The following PPM1L variants were observed in gnomAD, a reference collection of about 807,000 sequenced individuals.
The protein encoded by PPM1L is protein phosphatase, Mg2+/Mn2+ dependent 1L.
In PPM1L, 13 loss-of-function variants were observed where a neutral mutation model predicts 31.4. The ratio of observed to expected loss-of-function variants is 0.41; its 90% CI spans 0.27 to 0.66. The LOEUF is 0.66. Among genes scored for constraint, PPM1L ranks in the 30% least tolerant of loss-of-function variants. The pLI is 0.29. For synonymous variants in PPM1L, 184 were observed against 175.4 expected, an observed-to-expected ratio of 1.05 and a Z score of -0.39; for missense variants, 326 against 453.7, an observed-to-expected ratio of 0.72 and a Z score of 2.56.
At chr3:160,944,812 A>ATAT (rs1715292149) in intron 1 of PPM1L, among the ~76,000 whole-genome samples, 1 of 18,042 alleles carries the variant, frequency 5.5e-5, no homozygotes, top group Non-Finnish European at 1.6e-4. Flanking sequence ...CATATATAAC[A>ATAT]TATATATGTT....
At chr3:160,867,754 TTGG>T (rs1712146749) in intron 1 of PPM1L, among the ~76,000 whole-genome samples, 1 of 152,182 alleles carries the variant, frequency 6.6e-6, no homozygotes, top group Non-Finnish European at 1.5e-5. Flanking sequence ...ACAGTGCAAG[TTGG>T]TGGCATGGTA....
rs568295984 is a variant in PPM1L, at chr3:160,931,843, T to G, written c.400-29893T>G. ...TACTTTTCTTAAGTAGAGCTAAGAA[T>G]TTGTTTTAAAAAGGCTACTTTGAGA... On this transcript the variant is annotated intron_variant, in intron 1 of 3. Coordinates refer to ENST00000498165, the MANE Select transcript of PPM1L (RefSeq NM_139245.4). 3.9e-5 allele frequency among the ~76,000 whole-genome samples: 6 copies of G among 152,354 alleles called. No homozygotes were observed. The South Asian group carries it at 1.2e-3, about 32-fold the overall frequency.
intron 1 of PPM1L, among the ~76,000 whole-genome samples, chr3:160,817,742 CTG>C (rs1319819798): frequency 6.6e-6 from 1 of 151,938 alleles, no homozygotes; most frequent in Non-Finnish European, 1.5e-5. Context: ...GCTGAGAGAG[CTG>C]TGGTGCCATT....
intron 1 of PPM1L, among the ~76,000 whole-genome samples, chr3:160,813,874 C>T (rs903683383): frequency 5.9e-5 from 9 of 152,210 alleles, no homozygotes; most frequent in East Asian, 1.9e-4. Flanking sequence ...ATTCTGCATA[C>T]GTTTTACATC....
chr3:161,037,804 A>G (rs1217217262), intron 2 of PPM1L, among the ~76,000 whole-genome samples: 1 of 151,910 alleles, frequency 6.6e-6, no homozygotes, highest in Non-Finnish European at 1.5e-5. Context: ...CAACCACCCT[A>G]CTAAGCCCCT....
At position 160,917,267 on chromosome 3, in the gene PPM1L, A is replaced by G. The variant is rs568652088; in HGVS notation, c.400-44469A>G. Among the ~76,000 whole-genome samples, 4 of 152,330 alleles carry G rather than the reference A, an allele frequency of 2.6e-5. No individual in the cohort carries two copies. The East Asian group carries it at 7.7e-4, about 29-fold the overall frequency. On this transcript the variant is annotated intron_variant, in intron 1 of 3. Transcript: ENST00000498165. ...AATTCCACTGCTGCTTAAAGTTATTAAAGAAATCTCTCAATCTGCTAGCAT... is the reference window on the plus strand; with the variant it reads ...AATTCCACTGCTGCTTAAAGTTATTGAAGAAATCTCTCAATCTGCTAGCAT...
At chr3:160,923,534 A>G (rs115313885) in intron 1 of PPM1L, among the ~76,000 whole-genome samples, 4 of 152,314 alleles carry the variant, frequency 2.6e-5, no homozygotes, top group African/African-American at 9.6e-5. Flanking sequence ...AATGGGCTCA[A>G]CCCATGGCAA....
chr3:161,051,945 C>G (rs376372790), intron 2 of PPM1L, among the ~76,000 whole-genome samples: 2 of 152,086 alleles, frequency 1.3e-5, no homozygotes, highest in South Asian at 2.1e-4. Context: ...ATGTTTTTGT[C>G]CGCCTTTTCC....
chr3:160,814,169 A>G (rs1235482874), intron 1 of PPM1L, among the ~76,000 whole-genome samples: 1 of 152,062 alleles, frequency 6.6e-6, no homozygotes, highest in Non-Finnish European at 1.5e-5. Flanking sequence ...CCCACCTAAC[A>G]TCTCATTTCA....
At chr3:160,975,062 AAGGGATCC>A (rs1716516121) in intron 2 of PPM1L, among the ~76,000 whole-genome samples, 1 of 151,472 alleles carries the variant, frequency 6.6e-6, no homozygotes, top group African/African-American at 2.4e-5. Flanking sequence ...AGGTGTAAGG[AAGGGATCC>A]AGTTTCAGCT....
At chr3:160,817,569 A>G (rs775158673) in intron 1 of PPM1L, among the ~76,000 whole-genome samples, 14 of 152,072 alleles carry the variant, frequency 9.2e-5, no homozygotes, top group Admixed American at 2.0e-4. Context: ...TTAATCTTCA[A>G]ACTATTTTTC....
At chr3:161,021,630 G>A (rs149168560) in intron 2 of PPM1L, among the ~76,000 whole-genome samples, 479 of 152,008 alleles carry the variant, frequency 3.2e-3, no homozygotes, top group Middle Eastern at 6.8e-3. Flanking sequence ...TTTTGAAGTT[G>A]TCATCTATTA....
intron 1 of PPM1L, chr3:160,870,602 A>T (rs1379872719): frequency 1.3e-5 from 2 of 152,166 alleles, no homozygotes; most frequent in Non-Finnish European, 2.9e-5. Flanking sequence ...AGTTCCCGGC[A>T]ATTCATGAAT....
At chr3:160,856,042 T>C (rs1015343291) in intron 1 of PPM1L, among the ~76,000 whole-genome samples, 1 of 151,916 alleles carries the variant, frequency 6.6e-6, no homozygotes, top group Non-Finnish European at 1.5e-5. Flanking sequence ...GTCTGATGTG[T>C]GAGGGCAGGA....
chr3:160,870,923 C>G lies in PPM1L; in HGVS notation c.400-90813C>G, dbSNP rs538321968. Among the ~76,000 whole-genome samples the G allele has an allele frequency of 8.5e-4, 129 of 151,916 alleles. 1 individual carries two copies. Among genetic ancestry groups the G allele is most frequent in the African/African-American group, 2.9e-3 (121 of 41,398 alleles). ...TGGGAAAGAGTAGTTATTTTTAAAT[C>G]TTGGTAGACAAATGGGACCTGCCCA... On this transcript the variant is annotated intron_variant, in intron 1 of 3. Transcript: ENST00000498165.
intron 1 of PPM1L, among the ~76,000 whole-genome samples, chr3:160,895,740 G>A (rs1270142021): frequency 6.6e-6 from 1 of 152,162 alleles, no homozygotes; most frequent in East Asian, 1.9e-4. Flanking sequence ...CCCAATATCT[G>A]TTGGTGAATA....
intron 2 of PPM1L, among the ~76,000 whole-genome samples, chr3:160,973,148 C>T (rs1212516630): frequency 6.6e-6 from 1 of 152,120 alleles, no homozygotes; most frequent in East Asian, 1.9e-4. Context: ...GCTGAGAAAA[C>T]CAGAAACCAC....
At chr3:160,984,289 G>T (rs879565421) in intron 2 of PPM1L, among the ~76,000 whole-genome samples, 6 of 152,274 alleles carry the variant, frequency 3.9e-5, no homozygotes, top group South Asian at 2.1e-4. Context: ...ACTGGGGAAA[G>T]AATTCAGCGA....
intron 2 of PPM1L, among the ~76,000 whole-genome samples, chr3:160,993,839 CCT>C (rs1717216897): frequency 6.6e-6 from 1 of 152,056 alleles, no homozygotes; most frequent in Non-Finnish European, 1.5e-5. Flanking sequence ...GTGTTTATAC[CCT>C]GTCCCCTCTT....
Sources: gnomAD v4.1 joint callset for allele counts (sites outside exome capture counted in the v4.1 genomes callset) on GRCh38, gnomAD v4.1.1 for gene constraint, MANE v1.5 for transcripts, NCBI Gene and HGNC (gene_info 2026-07-23, HGNC 2026-07-21) for gene names.